Variants in ULK1 observed in about 807,000 individuals in gnomAD.
ULK1 encodes the protein unc-51 like autophagy activating kinase 1, also known as serine/threonine-protein kinase ULK1.
Under a neutral mutation model 117.5 loss-of-function variants are expected in ULK1, and 48 were observed. The ratio of observed to expected loss-of-function variants is 0.41; its 90% confidence interval spans 0.32 to 0.52. The LOEUF (loss-of-function observed/expected upper bound fraction) is 0.52. ULK1 is among the 20% of genes least tolerant of loss of function. The pLI is 0.29. For missense variants in ULK1, 1,387 were observed against 1,473.4 expected, an observed-to-expected ratio of 0.94 and a Z score of 0.96; for synonymous variants, 790 against 637.8, an observed-to-expected ratio of 1.24 and a Z score of -3.60.
rs148108788 is a variant in ULK1, at chr12:131,901,856, C to G, written c.247-5036C>G. Among the ~76,000 whole-genome samples the G allele has an allele frequency of 9.7e-4, 148 of 152,192 alleles. 1 individual carries two copies. Among genetic ancestry groups the G allele is most frequent in the African/African-American group, 3.5e-3 (145 of 41,516 alleles). On this transcript the variant is annotated intron_variant, in intron 3 of 27. Coordinates refer to ENST00000321867, the MANE Select transcript of ULK1 (RefSeq NM_003565.4). ...CGGGGGGAATGTGAGGAGTTGGCGT[C>G]TTCCTGAGGGTCTCTGCAGCTTACA...
intron 3 of ULK1, chr12:131,897,358 G>C (rs547421526): frequency 6.6e-6 from 1 of 152,154 alleles, no homozygotes; most frequent in Non-Finnish European, 1.5e-5. Context: ...GAGGGAGTGC[G>C]GTCGAGGCTA....
Position 131,909,792 on chromosome 12 carries a change from C to T in ULK1, c.684C>T (p.Asp228=), listed in dbSNP as rs766272557. The T allele has an allele frequency of 1.2e-6, 2 of 1,610,226 alleles. No individual in the cohort carries two copies. The highest frequency in any genetic ancestry group is 1.7e-5 in the Admixed American group (1 of 59,728). ...KAPFQASSPQ[D]LRLFYEKNKT... ...CCCCGCAGGCCAGCAGCCCCCAGGA[C>T]CTGCGCCTGTTCTACGAGAAGAACA... The change falls in exon 9 of 28, where the codon GAC becomes GAT. Residue 228 remains aspartate (D), a synonymous_variant. Transcript: ENST00000321867.
chr12:131,901,680 TTTTG>T (rs1889096882), intron 3 of ULK1, among the ~76,000 whole-genome samples: 1 of 152,168 alleles, frequency 6.6e-6, no homozygotes, highest in Non-Finnish European at 1.5e-5. Context: ...AGGAGTTGGT[TTTTG>T]TTTGTGCGCA....
At chr12:131,905,995 G>A (rs1032744029) in intron 3 of ULK1, among the ~76,000 whole-genome samples, 1 of 152,254 alleles carries the variant, frequency 6.6e-6, no homozygotes, top group Non-Finnish European at 1.5e-5. Context: ...GAAGGCATTG[G>A]GGCGAGGGAT....
At chr12:131,895,214 C>T in intron 1 of ULK1, 102 bp downstream of exon 1, 1 of 890,654 alleles carries the variant, frequency 1.1e-6, no homozygotes, top group Non-Finnish European at 1.6e-6. Flanking sequence ...CCACGCCTCC[C>T]GAGAGCCCCA....
intron 16 of ULK1, 35 bp downstream of exon 16, chr12:131,914,512 T>C: frequency 6.3e-7 from 1 of 1,597,336 alleles, no homozygotes; most frequent in East Asian, 2.3e-5. Context: ...CAGGCGTGGC[T>C]GGGGCCTTGT....
chr12:131,898,160 T>C (rs1233833331), intron 3 of ULK1: 2 of 152,254 alleles, frequency 1.3e-5, no homozygotes, highest in African/African-American at 4.8e-5. Flanking sequence ...GCTGGCCTGA[T>C]TGGGTCTGCC....
At chr12:131,918,403 A>G (rs758966377) in intron 22 of ULK1, 94 bp from the exon 23 acceptor site, 132 of 1,436,886 alleles carry the variant, frequency 9.2e-5, no homozygotes, top group Non-Finnish European at 1.2e-4. Context: ...GCAGAGGCAC[A>G]TTGGGCCCTG....
At chr12:131,897,326 A>G (rs997738162) in intron 3 of ULK1, 2 of 152,240 alleles carry the variant, frequency 1.3e-5, no homozygotes, top group African/African-American at 4.8e-5. Context: ...GGGTGATAAA[A>G]GAAAATCCTC....
At chr12:131,914,230 A>T in intron 15 of ULK1, 122 bp from the exon 16 acceptor site, 1 of 1,463,962 alleles carries the variant, frequency 6.8e-7, no homozygotes, top group Non-Finnish European at 9.2e-7. Flanking sequence ...CATGGGTCTC[A>T]GGGTGGCCTC....
chr12:131,913,466 C>T (rs912049659), intron 14 of ULK1, among the ~76,000 whole-genome samples: 1 of 151,748 alleles, frequency 6.6e-6, no homozygotes, highest in Admixed American at 6.6e-5. Flanking sequence ...GAGGCCGAGG[C>T]GGATGGATCA....
At chr12:131,920,800 C>G (rs920569440) in intron 26 of ULK1, 4 of 397,840 alleles carry the variant, frequency 1.0e-5, no homozygotes, top group Non-Finnish European at 1.8e-5. Context: ...CCTCCTGCCC[C>G]CCTTCCCGCC....
intron 23 of ULK1, 74 bp from the exon 24 acceptor site, chr12:131,919,138 C>T (rs911329533): frequency 2.1e-5 from 31 of 1,482,270 alleles, no homozygotes; most frequent in South Asian, 2.6e-5. Context: ...AAGGCGTCAT[C>T]GGTGAGTCTG....
intron 22 of ULK1, among the ~76,000 whole-genome samples, chr12:131,918,032 G>T (rs573979021): frequency 6.6e-6 from 1 of 152,164 alleles, no homozygotes; most frequent in Admixed American, 6.5e-5. Context: ...GCTTGTGGGC[G>T]TCTGGTCCTG....
intron 3 of ULK1, among the ~76,000 whole-genome samples, chr12:131,899,883 G>T (rs1441351782): frequency 1.3e-5 from 2 of 152,206 alleles, no homozygotes; most frequent in Admixed American, 6.5e-5. Flanking sequence ...ACTTTGGGAG[G>T]CTGAGGCGGG....
chr12:131,910,676 G>A, intron 11 of ULK1, 36 bp from the exon 12 acceptor site: 1 of 1,612,986 alleles, frequency 6.2e-7, no homozygotes, highest in Non-Finnish European at 8.5e-7. Context: ...GGAGACAGGA[G>A]GATGGCCCAG....
intron 3 of ULK1, among the ~76,000 whole-genome samples, chr12:131,904,327 T>C (rs2136384745): frequency 6.6e-6 from 1 of 152,314 alleles, no homozygotes; most frequent in East Asian, 1.9e-4. Flanking sequence ...TTGTATTTTT[T>C]TGTAGAGATG....
intron 18 of ULK1, 61 bp from the exon 19 acceptor site, chr12:131,915,830 A>G (rs1889752636): frequency 2.5e-6 from 4 of 1,593,046 alleles, no homozygotes; most frequent in Non-Finnish European, 2.5e-6. Flanking sequence ...GTGTGGTAGC[A>G]GTGGGGCCTA....
chr12:131,909,588 C>T lies in ULK1; in HGVS notation c.667-187C>T, dbSNP rs188993119. ...TCTGGGGGGTGGACACCCCGAGAGA[C>T]CGTCGGCGCCCCCTCCCCGCCCCCA... is the stretch of plus-strand genomic sequence containing the variant. On this transcript the variant is annotated intron_variant, in intron 8 of 27. Coordinates refer to ENST00000321867, the MANE Select transcript of ULK1 (RefSeq NM_003565.4). Among the ~76,000 whole-genome samples the T allele has an allele frequency of 2.0e-3, 302 of 152,272 alleles. 1 individual carries two copies. The highest frequency in any genetic ancestry group is 6.6e-3 in the African/African-American group (274 of 41,560).
Sources: gnomAD v4.1 joint callset for allele counts (sites outside exome capture counted in the v4.1 genomes callset) on GRCh38, gnomAD v4.1.1 for gene constraint, MANE v1.5 for transcripts, NCBI Gene and HGNC (gene_info 2026-07-23, HGNC 2026-07-21) for gene names.